DERL2: variants seen among roughly 807,000 people sequenced by gnomAD.
DERL2 encodes derlin-2.
Under a neutral mutation model 32.0 loss-of-function variants are expected in DERL2, and 13 were observed. The observed-to-expected ratio is 0.41, with a 90% CI of 0.26 to 0.65. The LOEUF (loss-of-function observed/expected upper bound fraction) is 0.65, where lower values mean the gene tolerates loss of function less well. Among genes scored for constraint, DERL2 ranks in the 30% least tolerant of loss-of-function variants. The pLI, the probability that DERL2 is intolerant of heterozygous loss-of-function variation, is 0.35. For synonymous variants in DERL2, 111 were observed against 104.7 expected, an observed-to-expected ratio of 1.06 and a Z score of -0.37; for missense variants, 208 against 296.3, an observed-to-expected ratio of 0.70 and a Z score of 2.19.
rs1388803770 is a variant in DERL2, at chr17:5,472,716, C to G, written c.*1968G>C. The G allele has an allele frequency of 6.6e-6, 1 of 151,880 alleles. No individual in the cohort carries two copies. The highest frequency in any genetic ancestry group is 1.5e-5 in the Non-Finnish European group (1 of 68,000). 9.4% of individuals were successfully genotyped at this position (151,880 alleles called of 1,614,324 possible). A position where few individuals can be genotyped will look rare whatever the true frequency, so the allele number is the denominator to read the frequency against. On this transcript the variant is annotated 3_prime_UTR_variant, in exon 7 of 7. Coordinates refer to ENST00000158771, the MANE Select transcript of DERL2 (RefSeq NM_016041.5). ...CACAAAAATGCCATTCATTGCATAA[C>G]TCCAACTCAGGGAGAACAAATAAAA...
chr17:5,480,176 G>C, intron 5 of DERL2, 32 bp from the exon 6 acceptor site: 1 of 1,477,966 alleles, frequency 6.8e-7, no homozygotes, highest in East Asian at 2.3e-5. Flanking sequence ...GGATGAGGGA[G>C]AGAATTAAAA....
intron 4 of DERL2, 128 bp from the exon 5 acceptor site, chr17:5,480,710 A>G (rs1334348648): frequency 3.8e-6 from 3 of 798,358 alleles, no homozygotes; most frequent in Non-Finnish European, 5.4e-6. Flanking sequence ...TCTTTAGAAT[A>G]GAAGGAGAAA....
rs576924390 is a variant in DERL2 at position 5,480,508 on chromosome 17, T to C, written c.402A>G (p.Arg134=). 2 of 1,608,528 alleles carry C rather than the reference T, an allele frequency of 1.2e-6. No homozygotes were observed. The highest frequency in any genetic ancestry group is 2.2e-5 in the South Asian group (2 of 89,844). The change falls in exon 5 of 7, where the codon CGA becomes CGG. Residue 134 remains arginine, a synonymous_variant. Coordinates refer to ENST00000158771, the MANE Select transcript of DERL2 (RefSeq NM_016041.5). ...AGTTCATGCGGACATAGGGGTTCCT[T>C]CGGCTCCACACATAGACGAGCATTA... ...FTIMLVYVWS[R]RNPYVRMNFF...
intron 3 of DERL2, chr17:5,482,198 CT>C (rs2151707027): frequency 6.6e-6 from 1 of 152,474 alleles, no homozygotes; most frequent in South Asian, 2.1e-4. Flanking sequence ...AAATGGATTC[CT>C]GCCATCCTCA....
chr17:5,485,072 T>C (rs947534538), intron 2 of DERL2, 79 bp downstream of exon 2: 1 of 1,036,500 alleles, frequency 9.6e-7, no homozygotes, highest in Non-Finnish European at 1.4e-6. Context: ...TTTAGGATAG[T>C]GTATAACAGG....
intron 6 of DERL2, among the ~76,000 whole-genome samples, chr17:5,475,534 C>T (rs1597370527): frequency 6.6e-6 from 1 of 152,172 alleles, no homozygotes; most frequent in Admixed American, 6.5e-5. Flanking sequence ...GCTGGGATTA[C>T]AGGCATGAGC....
chr17:5,479,707 T>C (rs961181498), intron 6 of DERL2, among the ~76,000 whole-genome samples: 2 of 152,148 alleles, frequency 1.3e-5, no homozygotes, highest in Admixed American at 6.6e-5. Flanking sequence ...TCAGAAACTT[T>C]CATCAGTTTT....
At chr17:5,484,587 T>C (rs1018502547) in intron 2 of DERL2, among the ~76,000 whole-genome samples, 14 of 152,334 alleles carry the variant, frequency 9.2e-5, no homozygotes, top group East Asian at 1.9e-4. Flanking sequence ...CCATCTCCCA[T>C]TGTAATCTAA....
chr17:5,486,307 TAG>T (rs1906298056), upstream of DERL2: 8 of 578,554 alleles, frequency 1.4e-5, no homozygotes, highest in Non-Finnish European at 2.4e-5. Flanking sequence ...CCGCAATCCG[TAG>T]AGACCTAAGG....
chr17:5,485,151 T>C lies in DERL2; in HGVS notation c.159A>G (p.Gln53=), dbSNP rs951022846. Residue 53 remains glutamine (Q), a splice_region_variant and synonymous_variant, in exon 2 of 7, where the codon CAA becomes CAG. Transcript: ENST00000158771. ...ATCACTATTGTGATGAACCACTTACTTGAAAGTGTTTAAAGATTAATTCAG... is the reference window on the plus strand; with the variant it reads ...ATCACTATTGTGATGAACCACTTACCTGAAAGTGTTTAAAGATTAATTCAG... The part of the protein sequence containing the change: ...FNPELIFKHF[Q]IWRLITNFLF... 1.9e-6 allele frequency: 3 copies of C among 1,576,250 alleles called. No individual in the cohort carries two copies. Among genetic ancestry groups the C allele is most frequent in the Non-Finnish European group, 2.6e-6 (3 of 1,159,114 alleles).
intron 6 of DERL2, 62 bp downstream of exon 6, chr17:5,479,992 A>G (rs1905662540): frequency 4.7e-6 from 5 of 1,057,564 alleles, no homozygotes; most frequent in Admixed American, 2.0e-5. Context: ...CAAAGAAAAC[A>G]CAGATCATGC....
upstream of DERL2, chr17:5,486,179 G>GCCCCCCCCCCCCCCCCCCCCCCCCTCC: frequency 6.5e-7 from 1 of 1,540,444 alleles, no homozygotes; most frequent in Non-Finnish European, 8.8e-7. Flanking sequence ...ACCGTCGCCT[G>GCCCCCCCCCCCCCCCCCCCCCCCCTCC]CCCCACCCCC....
rs1905130796 is a variant in DERL2 at position 5,471,614 on chromosome 17, C to G, written c.*3070G>C. The G allele has an allele frequency of 6.6e-6, 1 of 152,086 alleles. No homozygotes were observed. The highest frequency in any genetic ancestry group is 2.1e-4 in the South Asian group (1 of 4,828). The allele number at this position is 152,086 out of a possible 1,614,324, so 9.4% of individuals were successfully genotyped here. On this transcript the variant is annotated 3_prime_UTR_variant, in exon 7 of 7. Coordinates refer to ENST00000158771, the MANE Select transcript of DERL2 (RefSeq NM_016041.5). ...AGTGGGAGTAAAGTTAAGAAAAAAA[C>G]AAGTATGCATATAATGTAGGGGCTT...
At chr17:5,480,313 G>A in intron 5 of DERL2, 74 bp downstream of exon 5, 1 of 1,464,678 alleles carries the variant, frequency 6.8e-7, no homozygotes, top group African/African-American at 1.4e-5. Flanking sequence ...AGGCCAAACA[G>A]AATAAACATG....
Position 5,478,656 on chromosome 17 carries a change from T to C in DERL2, c.614+1398A>G, listed in dbSNP as rs934937864. ...GTGCAGAGATTTAGCTACAAGGACA[T>C]TCACCACTCCAATTACAGAAGAGAA... On this transcript the variant is annotated intron_variant, in intron 6 of 6. Coordinates refer to ENST00000158771, the MANE Select transcript of DERL2 (RefSeq NM_016041.5). 5.9e-5 allele frequency among the ~76,000 whole-genome samples: 9 copies of C among 152,184 alleles called. No homozygotes were observed. The South Asian group carries it at 1.7e-3, about 28-fold the overall frequency.
intron 2 of DERL2, among the ~76,000 whole-genome samples, chr17:5,484,593 T>C (rs577677638): frequency 5.1e-4 from 78 of 152,246 alleles, no homozygotes; most frequent in Non-Finnish European, 8.7e-4. Context: ...CCCATTGTAA[T>C]CTAATAAACC....
At chr17:5,486,459 A>T (rs891483018), upstream of DERL2, 5 of 282,742 alleles carry the variant, frequency 1.8e-5, no homozygotes, top group Admixed American at 2.1e-4. Flanking sequence ...CGCCGGCCAC[A>T]GCTAACTTTC....
chr17:5,485,175 A>G lies in DERL2; in HGVS notation c.135T>C (p.Pro45=), dbSNP rs1325110571. 13 of 1,595,364 alleles carry G rather than the reference A, an allele frequency of 8.1e-6. No individual in the cohort carries two copies. The highest frequency in any genetic ancestry group is 9.4e-6 in the Non-Finnish European group (11 of 1,172,050). The change falls in exon 2 of 7, where the codon CCT becomes CCC. Residue 45 remains proline (P), a synonymous_variant. Coordinates refer to ENST00000158771, the MANE Select transcript of DERL2 (RefSeq NM_016041.5). ...CTTGAAAGTGTTTAAAGATTAATTC[A>G]GGATTGAAGTACAACTGAAAAGGTG... ...LITPFQLYFN[P]ELIFKHFQIW...
chr17:5,481,232 G>A lies in DERL2; in HGVS notation c.327+64C>T. 8.5e-7 allele frequency: 1 copy of A among 1,180,184 alleles called. No homozygotes were observed. The highest frequency in any genetic ancestry group is 2.3e-5 in the East Asian group (1 of 42,842). The allele number at this position is 1,180,184 out of a possible 1,614,324, so 73.1% of individuals were successfully genotyped here. The stretch of plus-strand genomic sequence containing the variant: ...ATCTAGAGAACTGTGGGAGACAGAT[G>A]ACAAGCTTTAGGAAGAGCCAGGGTG... On this transcript the variant is annotated intron_variant, in intron 4 of 6. Transcript: ENST00000158771. The surrounding 1 kb of genome is among the most constrained non-coding windows in gnomAD (Gnocchi z 4.4).
Sources: allele counts gnomAD v4.1 joint callset (sites outside exome capture counted in the v4.1 genomes callset), GRCh38; gene constraint gnomAD v4.1.1; non-coding constraint Gnocchi (gnomAD v3.1); transcripts MANE v1.5; gene names NCBI Gene and HGNC (gene_info 2026-07-23, HGNC 2026-07-21).